CCDC7: variants seen among roughly 807,000 people sequenced by gnomAD.
CCDC7 encodes the protein coiled-coil domain-containing protein 7.
A neutral mutation model predicts 196.9 loss-of-function variants in CCDC7; 183 were observed. That is an observed-to-expected ratio of 0.93 (90% CI 0.82 to 1.05). The LOEUF is 1.05. Among genes scored for constraint, CCDC7 ranks in the 50% least tolerant of loss-of-function variants. The pLI is 0.00. For missense variants in CCDC7, 1,540 were observed against 1,482.2 expected (o/e 1.04, Z -0.64); for synonymous variants, 525 against 484.6 (o/e 1.08, Z -1.10).
chr10:32,611,181 G>A (rs1029878773), intron 18 of CCDC7, among the ~76,000 whole-genome samples: 21 of 152,176 alleles, frequency 1.4e-4, no homozygotes, highest in African/African-American at 3.6e-4. Context: ...CAATGATGAT[G>A]AGCTTTTTTT....
At position 32,830,140 on chromosome 10, in the gene CCDC7, A is replaced by ATATATATATATATATATATATG. The variant is rs1352900669; in HGVS notation, c.3269-4674_3269-4673insATATATATATATATATATATGT. On this transcript the variant is annotated intron_variant, in intron 32 of 41. Coordinates refer to ENST00000639629, the Ensembl canonical transcript of CCDC7. Reference sequence around the variant, plus strand: ...TATAAGGATATATATATATATATATATCCTATTAGTTCTTTCCCTCTAGAG... The same window carrying ATATATATATATATATATATATG: ...TATAAGGATATATATATATATATATATATATATATATATATATATATGTCCTATTAGTTCTTTCCCTCTAGAG... Among the ~76,000 whole-genome samples, 7 of 123,378 alleles carry ATATATATATATATATATATATG rather than the reference A, an allele frequency of 5.7e-5. 1 individual carries two copies. Among genetic ancestry groups the ATATATATATATATATATATATG allele is most frequent in the Non-Finnish European group, 9.0e-5 (5 of 55,368 alleles). 80.9% of individuals were successfully genotyped at this position (123,378 alleles called of 152,430 possible). A position where few individuals can be genotyped will look rare whatever the true frequency, so the allele number is the denominator to read the frequency against.
intron 11 of CCDC7, among the ~76,000 whole-genome samples, chr10:32,533,278 C>CAA (rs946126528): frequency 1.3e-5 from 2 of 150,924 alleles, no homozygotes; most frequent in Non-Finnish European, 3.0e-5. Context: ...CACACACACA[C>CAA]AATTCTACAC....
intron 25 of CCDC7, among the ~76,000 whole-genome samples, chr10:32,715,413 C>G (rs1371117976): frequency 1.3e-5 from 2 of 152,100 alleles, no homozygotes; most frequent in African/African-American, 4.8e-5. Flanking sequence ...CATCAAAGAC[C>G]AAAGGTAGAT....
chr10:32,545,633 C>T (rs2052302817), intron 13 of CCDC7, among the ~76,000 whole-genome samples: 1 of 152,086 alleles, frequency 6.6e-6, no homozygotes, highest in South Asian at 2.1e-4. Context: ...GGGCAGGATG[C>T]GGTGGCTTAC....
chr10:32,593,311 A>AT (rs2059970765), intron 18 of CCDC7, among the ~76,000 whole-genome samples: 1 of 151,984 alleles, frequency 6.6e-6, no homozygotes, highest in Admixed American at 6.6e-5. Context: ...GATGATGAGC[A>AT]TTTTTTCTGT....
intron 18 of CCDC7, among the ~76,000 whole-genome samples, chr10:32,585,365 G>A (rs866967654): frequency 2.0e-5 from 3 of 152,140 alleles, no homozygotes; most frequent in African/African-American, 4.8e-5. Flanking sequence ...GAGCCACCGC[G>A]CCCAGCCAAA....
chr10:32,486,579 C>T (rs10827064), intron 8 of CCDC7, among the ~76,000 whole-genome samples: 3,596 of 4,814 alleles, frequency 0.75, 1,640 homozygotes, highest in East Asian at 1. Flanking sequence ...GTTGATGCAG[C>T]TTCTTCCTAG....
At chr10:32,824,523 G>C (rs141120507) in exon 32 of CCDC7, 2 of 1,603,292 alleles carry the variant, frequency 1.2e-6, no homozygotes, top group African/African-American at 2.7e-5. Context: ...TATAGAGACT[G>C]ATGAACGATT....
At chr10:32,727,550 T>C (rs971760109) in intron 26 of CCDC7, among the ~76,000 whole-genome samples, 4 of 152,078 alleles carry the variant, frequency 2.6e-5, no homozygotes, top group Non-Finnish European at 4.4e-5. Context: ...CTGACCCTAG[T>C]AGGGCCCATC....
intron 29 of CCDC7, among the ~76,000 whole-genome samples, chr10:32,782,701 GA>G (rs1555140595): frequency 6.6e-6 from 1 of 152,070 alleles, no homozygotes; most frequent in African/African-American, 2.4e-5. Context: ...AAACAATTTT[GA>G]AAAAGGAGAA....
At chr10:32,845,580 A>T (rs1565688136) in exon 35 of CCDC7, 5 of 1,612,790 alleles carry the variant, frequency 3.1e-6, no homozygotes, top group Middle Eastern at 1.7e-4. Flanking sequence ...CTACTGGAAG[A>T]GGTCTAATGA....
At chr10:32,707,553 A>G (rs2080005230) in intron 24 of CCDC7, among the ~76,000 whole-genome samples, 2 of 152,188 alleles carry the variant, frequency 1.3e-5, no homozygotes, top group Non-Finnish European at 2.9e-5. Context: ...AGATGACATG[A>G]TTGTATATTT....
chr10:32,609,270 A>G (rs1183025094), intron 18 of CCDC7, among the ~76,000 whole-genome samples: 1 of 152,162 alleles, frequency 6.6e-6, no homozygotes, highest in African/African-American at 2.4e-5. Flanking sequence ...AATATTTACT[A>G]TAAATATCTG....
chr10:32,752,311 C>A (rs374941065), intron 28 of CCDC7, among the ~76,000 whole-genome samples: 1 of 152,198 alleles, frequency 6.6e-6, no homozygotes, highest in Admixed American at 6.5e-5. Context: ...TAACTTTATA[C>A]ACTATCATCC....
chr10:32,619,269 C>T (rs1386343822), intron 18 of CCDC7, among the ~76,000 whole-genome samples: 1 of 151,886 alleles, frequency 6.6e-6, no homozygotes, highest in Admixed American at 6.6e-5. Flanking sequence ...ACTTGTACAT[C>T]TGTAAAACGA....
chr10:32,857,855 AAAAAT>A (rs1448206682), intron 41 of CCDC7, among the ~76,000 whole-genome samples: 3 of 151,906 alleles, frequency 2.0e-5, no homozygotes, highest in African/African-American at 7.2e-5. Flanking sequence ...TTTTTTTGAA[AAAAAT>A]AAAATAAAAT....
chr10:32,540,688 C>T (rs2051263019), intron 11 of CCDC7, among the ~76,000 whole-genome samples: 2 of 152,060 alleles, frequency 1.3e-5, no homozygotes, highest in East Asian at 3.9e-4. Context: ...TATAGGCTAC[C>T]CCCAACCCAG....
chr10:32,698,057 C>A (rs1439670280), intron 24 of CCDC7, among the ~76,000 whole-genome samples: 1 of 152,186 alleles, frequency 6.6e-6, no homozygotes, highest in African/African-American at 2.4e-5. Flanking sequence ...GATACCCAGG[C>A]AAACAGGGTC....
At chr10:32,854,185 G>T (rs2093666605) in intron 40 of CCDC7, among the ~76,000 whole-genome samples, 1 of 151,750 alleles carries the variant, frequency 6.6e-6, no homozygotes, top group African/African-American at 2.4e-5. Flanking sequence ...TTCTTGATTT[G>T]TACTCTTATA....
Sources: allele counts gnomAD v4.1 joint callset (sites outside exome capture counted in the v4.1 genomes callset), GRCh38; gene constraint gnomAD v4.1.1; transcripts MANE v1.5; gene names NCBI Gene and HGNC (gene_info 2026-07-23, HGNC 2026-07-21).